Variants in SLC24A2 observed in about 807,000 individuals in gnomAD.
SLC24A2 encodes the protein sodium/potassium/calcium exchanger 2.
A neutral mutation model predicts 62.0 loss-of-function variants in SLC24A2; 36 were observed. That is an observed-to-expected ratio of 0.58 (90% CI 0.44 to 0.77). SLC24A2 has a LOEUF of 0.77. Among genes scored for constraint, SLC24A2 ranks in the 30% least tolerant of loss-of-function variants. The probability of loss-of-function intolerance (pLI) is 0.00; values close to 1 mark genes in which losing one functional copy is unlikely to be tolerated. For missense variants in SLC24A2, 846 were observed against 817.9 expected (o/e 1.03, Z -0.42); for synonymous variants, 358 against 294.0 (o/e 1.22, Z -2.23).
At chr9:20,085,302 A>G in the SLC24A2 span, among the ~76,000 whole-genome samples, 1 of 152,210 alleles carries the variant, frequency 6.6e-6, no homozygotes, top group Non-Finnish European at 1.5e-5. Flanking sequence ...GCTGGCCCCA[A>G]GGTCTGTTTT....
the SLC24A2 span, among the ~76,000 whole-genome samples, chr9:19,988,392 G>C: frequency 6.6e-6 from 1 of 152,122 alleles, no homozygotes; most frequent in Admixed American, 6.5e-5. Context: ...TCTTACTCCA[G>C]TTCACAAGGC....
chr9:20,277,421 G>A, the SLC24A2 span, among the ~76,000 whole-genome samples: 1 of 151,512 alleles, frequency 6.6e-6, no homozygotes, highest in Non-Finnish European at 1.5e-5. Flanking sequence ...CAAAAAGTGG[G>A]CAAAGGATAT....
At chr9:19,536,068 G>A (rs554790013) in intron 8 of SLC24A2, among the ~76,000 whole-genome samples, 1 of 151,006 alleles carries the variant, frequency 6.6e-6, no homozygotes, top group East Asian at 1.9e-4. Context: ...TCCCTTGTAA[G>A]TTGTATTCCT....
chr9:19,650,147 T>C (rs763427844), intron 2 of SLC24A2, among the ~76,000 whole-genome samples: 2 of 152,240 alleles, frequency 1.3e-5, no homozygotes, highest in Non-Finnish European at 2.9e-5. Flanking sequence ...TCTTGGCACC[T>C]GGTAAATGCT....
At chr9:19,730,162 G>T (rs1434522524) in intron 2 of SLC24A2, among the ~76,000 whole-genome samples, 1 of 152,134 alleles carries the variant, frequency 6.6e-6, no homozygotes, top group East Asian at 1.9e-4. Flanking sequence ...CAAAGAGAAG[G>T]TACAGAATGC....
the SLC24A2 span, among the ~76,000 whole-genome samples, chr9:20,133,088 G>T: frequency 6.6e-6 from 1 of 152,064 alleles, no homozygotes; most frequent in Non-Finnish European, 1.5e-5. Context: ...TTCTGGGTGA[G>T]CCTGACTTAA....
the SLC24A2 span, among the ~76,000 whole-genome samples, chr9:19,838,821 T>C: frequency 0.8 from 121,220 of 150,602 alleles, 51,176 homozygotes; most frequent in Non-Finnish European, 0.94. Flanking sequence ...CTTCAGGACA[T>C]AGGCATGGGC....
the SLC24A2 span, among the ~76,000 whole-genome samples, chr9:20,187,738 A>G: frequency 6.6e-6 from 1 of 152,176 alleles, no homozygotes; most frequent in Non-Finnish European, 1.5e-5. Context: ...TGCACCCACG[A>G]CATCTGAGCA....
chr9:20,078,160 A>G, the SLC24A2 span, among the ~76,000 whole-genome samples: 4 of 152,166 alleles, frequency 2.6e-5, no homozygotes, highest in South Asian at 4.2e-4. Flanking sequence ...AAGAGCACCA[A>G]CGCAGAGAAT....
At chr9:19,846,899 G>T in the SLC24A2 span, among the ~76,000 whole-genome samples, 1 of 152,074 alleles carries the variant, frequency 6.6e-6, no homozygotes, top group African/African-American at 2.4e-5. Context: ...GTGCATGCCT[G>T]TGGTCCCAGC....
the SLC24A2 span, among the ~76,000 whole-genome samples, chr9:20,136,860 C>A: frequency 6.6e-6 from 1 of 152,112 alleles, no homozygotes; most frequent in Non-Finnish European, 1.5e-5. Flanking sequence ...TGTGTCTAAA[C>A]ACATTTTCTC....
At chr9:19,670,342 G>T (rs1027446890) in intron 2 of SLC24A2, among the ~76,000 whole-genome samples, 5 of 152,066 alleles carry the variant, frequency 3.3e-5, no homozygotes, top group African/African-American at 1.2e-4. Flanking sequence ...TATAACTATA[G>T]AACAAAATAT....
chr9:19,978,833 T>C, the SLC24A2 span, among the ~76,000 whole-genome samples: 1 of 151,864 alleles, frequency 6.6e-6, no homozygotes, highest in Admixed American at 6.6e-5. Context: ...CTAGAAAGGG[T>C]AGATGGAGGC....
chr9:19,800,031 T>C, the SLC24A2 span, among the ~76,000 whole-genome samples: 22 of 152,228 alleles, frequency 1.4e-4, no homozygotes, highest in Non-Finnish European at 2.2e-4. Flanking sequence ...GGCTGCATCA[T>C]TGCAGTCTCT....
the SLC24A2 span, among the ~76,000 whole-genome samples, chr9:19,904,363 C>T: frequency 5.3e-5 from 8 of 152,282 alleles, no homozygotes; most frequent in Admixed American, 1.3e-4. Flanking sequence ...TAGCCATGTG[C>T]TCTCTTAGAG....
chr9:19,620,534 C>T (rs772179182), intron 3 of SLC24A2, among the ~76,000 whole-genome samples: 55 of 152,194 alleles, frequency 3.6e-4, no homozygotes, highest in Non-Finnish European at 7.5e-4. Context: ...GGAACTGGTA[C>T]GTGACAAGGA....
chr9:19,562,145 T>G (rs1481939160), intron 7 of SLC24A2, among the ~76,000 whole-genome samples: 3 of 152,212 alleles, frequency 2.0e-5, no homozygotes, highest in Non-Finnish European at 2.9e-5. Flanking sequence ...ATTGCTGTAG[T>G]AAATTGGTTT....
chr9:20,189,456 C>T, the SLC24A2 span, among the ~76,000 whole-genome samples: 1 of 152,248 alleles, frequency 6.6e-6, no homozygotes, highest in African/African-American at 2.4e-5. Context: ...AATACCTTCC[C>T]ATAAGAACTT....
intron 4 of SLC24A2, among the ~76,000 whole-genome samples, chr9:19,616,638 G>A (rs972079063): frequency 3.3e-5 from 5 of 152,108 alleles, no homozygotes; most frequent in African/African-American, 4.8e-5. Context: ...AGCCTTCATC[G>A]CTAGTATGTA....
Sources: allele counts gnomAD v4.1 joint callset (sites outside exome capture counted in the v4.1 genomes callset), GRCh38; gene constraint gnomAD v4.1.1; transcripts MANE v1.5; gene names NCBI Gene and HGNC (gene_info 2026-07-23, HGNC 2026-07-21).